GALNTL6: variants seen among roughly 807,000 people sequenced by gnomAD.
GALNTL6 encodes polypeptide N-acetylgalactosaminyltransferase like 6, also known as polypeptide N-acetylgalactosaminyltransferase-like 6.
A neutral mutation model predicts 73.7 loss-of-function variants in GALNTL6; 46 were observed. That is an observed-to-expected ratio of 0.62 (90% CI 0.49 to 0.80). The LOEUF is 0.80. Among genes scored for constraint, GALNTL6 ranks in the 30% least tolerant of loss-of-function variants. The pLI is 0.00. For missense variants in GALNTL6, 604 were observed against 755.0 expected (o/e 0.80, Z 2.34); for synonymous variants, 259 against 263.7 (o/e 0.98, Z 0.17).
intron 7 of GALNTL6, among the ~76,000 whole-genome samples, chr4:172,829,106 G>A (rs1179730685): frequency 6.6e-6 from 1 of 152,160 alleles, no homozygotes; most frequent in Non-Finnish European, 1.5e-5. Context: ...TTCTGTATGT[G>A]TATGAGATGC....
chr4:172,482,353 C>T (rs568771817), intron 5 of GALNTL6, among the ~76,000 whole-genome samples: 11 of 152,220 alleles, frequency 7.2e-5, no homozygotes, highest in Non-Finnish European at 1.3e-4. Flanking sequence ...GCTCCTCAAG[C>T]GTGGCCAGAG....
intron 2 of GALNTL6, among the ~76,000 whole-genome samples, chr4:172,092,070 T>A (rs1037830088): frequency 6.6e-6 from 1 of 152,162 alleles, no homozygotes; most frequent in African/African-American, 2.4e-5. Context: ...GTTACAGATT[T>A]TTTTTTCTAT....
At chr4:172,890,289 G>A (rs903134128) in intron 8 of GALNTL6, among the ~76,000 whole-genome samples, 1 of 151,708 alleles carries the variant, frequency 6.6e-6, no homozygotes, top group African/African-American at 2.4e-5. Context: ...ATTTTTTTCT[G>A]CTAATTTTGG....
At chr4:171,885,953 T>C (rs1157695588) in intron 2 of GALNTL6, among the ~76,000 whole-genome samples, 1 of 152,132 alleles carries the variant, frequency 6.6e-6, no homozygotes. Context: ...TTCACTTCTG[T>C]GGAAATTAAC....
At chr4:172,201,422 G>A (rs1735950268) in intron 2 of GALNTL6, among the ~76,000 whole-genome samples, 1 of 151,820 alleles carries the variant, frequency 6.6e-6, no homozygotes, top group Non-Finnish European at 1.5e-5. Flanking sequence ...GGCCAGGATG[G>A]TCTTGATCTC....
chr4:172,912,600 C>A (rs1747271315), intron 8 of GALNTL6, among the ~76,000 whole-genome samples: 1 of 152,214 alleles, frequency 6.6e-6, no homozygotes, highest in Non-Finnish European at 1.5e-5. Context: ...CCCACGCCCA[C>A]AGAGCCTTGC....
At chr4:172,419,175 T>G (rs1027906638) in intron 5 of GALNTL6, among the ~76,000 whole-genome samples, 8 of 152,120 alleles carry the variant, frequency 5.3e-5, no homozygotes, top group Non-Finnish European at 1.2e-4. Context: ...TTCATGAATA[T>G]CGAGAATTTT....
At position 172,786,707 on chromosome 4, in the gene GALNTL6, T is replaced by C. The variant is rs572611265; in HGVS notation, c.554-22654T>C. ...CAGGTAGAGAGAGGTCTTTTTGTAT[T>C]CTGGAGGGGCACATTCTTGGAAGAT... On this transcript the variant is annotated intron_variant, in intron 5 of 12. Transcript: ENST00000506823. Among the ~76,000 whole-genome samples, 31 of 152,220 alleles carry C rather than the reference T, an allele frequency of 2.0e-4. 1 individual carries two copies. The South Asian group carries it at 5.2e-3, about 25-fold the overall frequency.
intron 5 of GALNTL6, among the ~76,000 whole-genome samples, chr4:172,771,112 CTA>C (rs1414305501): frequency 6.6e-6 from 1 of 152,142 alleles, no homozygotes; most frequent in Non-Finnish European, 1.5e-5. Flanking sequence ...CCAAGAGAAA[CTA>C]AAATGGCTTG....
intron 5 of GALNTL6, among the ~76,000 whole-genome samples, chr4:172,550,962 G>T (rs1735934238): frequency 6.6e-6 from 1 of 152,190 alleles, no homozygotes; most frequent in African/African-American, 2.4e-5. Flanking sequence ...TTGAAACATA[G>T]TCCCGCAGGA....
chr4:171,923,310 C>T (rs1006556386), intron 2 of GALNTL6, among the ~76,000 whole-genome samples: 2 of 151,968 alleles, frequency 1.3e-5, no homozygotes, highest in African/African-American at 2.4e-5. Flanking sequence ...GTGAAATGTG[C>T]CTGTTATGGT....
chr4:172,919,909 C>T (rs1020114555), intron 8 of GALNTL6, among the ~76,000 whole-genome samples: 5 of 152,076 alleles, frequency 3.3e-5, no homozygotes, highest in Middle Eastern at 3.2e-3. Context: ...TTTCATTCCC[C>T]GCCCCCAAAT....
At chr4:172,963,420 T>C (rs112341074) in intron 10 of GALNTL6, among the ~76,000 whole-genome samples, 154 of 152,342 alleles carry the variant, frequency 1.0e-3, no homozygotes, top group African/African-American at 3.5e-3. Flanking sequence ...ATGTAATTTA[T>C]TTTTTTATCA....
intron 8 of GALNTL6, among the ~76,000 whole-genome samples, chr4:172,908,306 T>C (rs566623347): frequency 6.6e-6 from 1 of 152,314 alleles, no homozygotes; most frequent in African/African-American, 2.4e-5. Context: ...ATGATTAAAA[T>C]ATAAATATGT....
At chr4:172,246,363 A>G (rs1294377055) in intron 3 of GALNTL6, among the ~76,000 whole-genome samples, 1 of 152,180 alleles carries the variant, frequency 6.6e-6, no homozygotes, top group African/African-American at 2.4e-5. Context: ...TATTATGAGT[A>G]GGATCCATTT....
chr4:171,817,807 A>G (rs1734560421), intron 2 of GALNTL6, among the ~76,000 whole-genome samples: 2 of 151,814 alleles, frequency 1.3e-5, no homozygotes, highest in East Asian at 1.9e-4. Context: ...ACATGATACA[A>G]TTAAAAGTTT....
At chr4:172,166,865 A>C (rs1167973163) in intron 2 of GALNTL6, among the ~76,000 whole-genome samples, 2 of 152,168 alleles carry the variant, frequency 1.3e-5, no homozygotes, top group Non-Finnish European at 2.9e-5. Flanking sequence ...TCATGCCTCT[A>C]TCATGGTTTG....
chr4:172,259,680 C>T (rs535232794), intron 3 of GALNTL6, among the ~76,000 whole-genome samples: 1 of 151,530 alleles, frequency 6.6e-6, no homozygotes, highest in South Asian at 2.1e-4. Context: ...GAACTCTTTG[C>T]CTAACCCAAT....
intron 5 of GALNTL6, among the ~76,000 whole-genome samples, chr4:172,797,980 G>C (rs1740375841): frequency 6.6e-6 from 1 of 152,074 alleles, no homozygotes; most frequent in Admixed American, 6.6e-5. Flanking sequence ...AGCTCCAAAT[G>C]AATCTGTAAG....
Sources: gnomAD v4.1 joint callset for allele counts (sites outside exome capture counted in the v4.1 genomes callset) on GRCh38, gnomAD v4.1.1 for gene constraint, MANE v1.5 for transcripts, NCBI Gene and HGNC (gene_info 2026-07-23, HGNC 2026-07-21) for gene names.